The following CDKL1 variants were observed in gnomAD, a reference collection of about 807,000 sequenced individuals.
CDKL1 encodes the protein cyclin-dependent kinase-like 1.
Under a neutral mutation model 42.0 loss-of-function variants are expected in CDKL1, and 41 were observed. The ratio of observed to expected loss-of-function variants is 0.98; its 90% CI spans 0.76 to 1.27. The LOEUF (loss-of-function observed/expected upper bound fraction) is 1.27. Ranked by LOEUF, CDKL1 falls within the 50% of genes most tolerant of loss-of-function variation. The probability of loss-of-function intolerance (pLI) is 0.00; values close to 1 mark genes in which losing one functional copy is unlikely to be tolerated. For synonymous variants in CDKL1, 153 were observed against 158.6 expected, an observed-to-expected ratio of 0.96 and a Z score of 0.26; for missense variants, 394 against 428.4, an observed-to-expected ratio of 0.92 and a Z score of 0.71.
intron 2 of CDKL1, among the ~76,000 whole-genome samples, chr14:50,374,429 A>G (rs2034673173): frequency 6.6e-6 from 1 of 152,248 alleles, no homozygotes; most frequent in Non-Finnish European, 1.5e-5. Context: ...AGTGTTAAAA[A>G]ATCATGTAGG....
chr14:50,328,296 G>C lies in CDKL1; in HGVS notation c.*1778C>G, dbSNP rs760469130. On this transcript the variant is annotated 3_prime_UTR_variant, in exon 10 of 10. Coordinates refer to ENST00000395834, the MANE Select transcript of CDKL1 (RefSeq NM_004196.7). ...CATTTGAATCAAGGCCGTCTAACAG[G>C]AATTGAATAATTCAGGGACTAGCAT... The C allele has an allele frequency of 2.0e-5, 3 of 152,054 alleles. No homozygotes were observed. Among genetic ancestry groups the C allele is most frequent in the Non-Finnish European group, 4.4e-5 (3 of 68,008 alleles). The allele number at this position is 152,054 out of a possible 1,614,324, so 9.4% of individuals were successfully genotyped here.
rs2032833343 is a variant in CDKL1 at position 50,329,694 on chromosome 14, G to A, written c.*380C>T. On this transcript the variant is annotated 3_prime_UTR_variant, in exon 10 of 10. Coordinates refer to ENST00000395834, the MANE Select transcript of CDKL1 (RefSeq NM_004196.7). The stretch of plus-strand genomic sequence containing the variant: ...AGGACTCAGGCAACAGAGATCCGAG[G>A]AAATATATATGGGCATTTTGTGGTT... The A allele has an allele frequency of 5.9e-6, 1 of 170,586 alleles. No homozygotes were observed. Among genetic ancestry groups the A allele is most frequent in the Admixed American group, 6.0e-5 (1 of 16,594 alleles). 10.6% of individuals were successfully genotyped at this position (170,586 alleles called of 1,614,324 possible).
At chr14:50,383,657 G>A (rs1023847731) in intron 2 of CDKL1, among the ~76,000 whole-genome samples, 1 of 151,848 alleles carries the variant, frequency 6.6e-6, no homozygotes, top group African/African-American at 2.4e-5. Flanking sequence ...AAAAGCAATA[G>A]CATAAATTAT....
At chr14:50,393,779 G>C (rs961657313) in intron 2 of CDKL1, among the ~76,000 whole-genome samples, 2 of 152,210 alleles carry the variant, frequency 1.3e-5, no homozygotes, top group African/African-American at 4.8e-5. Context: ...ACTTAATTTG[G>C]AGAGTGGGGT....
intron 2 of CDKL1, 100 bp downstream of exon 2, chr14:50,395,601 A>T: frequency 1.3e-6 from 1 of 775,264 alleles, no homozygotes; most frequent in South Asian, 1.8e-5. Context: ...CAGGAGTTCC[A>T]GGCTGCTGTG....
intron 2 of CDKL1, among the ~76,000 whole-genome samples, chr14:50,391,447 A>G (rs1165101752): frequency 6.6e-6 from 1 of 152,142 alleles, no homozygotes; most frequent in Non-Finnish European, 1.5e-5. Context: ...CAGGGGCACG[A>G]TCTCAGTTCA....
chr14:50,332,373 T>C lies in CDKL1; in HGVS notation c.855A>G (p.Pro285=), dbSNP rs753603944. The change falls in exon 9 of 10, where the codon CCA becomes CCG. Residue 285 remains proline, a synonymous_variant. Coordinates refer to ENST00000395834, the MANE Select transcript of CDKL1 (RefSeq NM_004196.7). ...CTATTTCTCTGATGTTTTCAAAATA[T>C]GGGTGATGCAACAGCTGTTCACATG... The part of the protein sequence containing the change: ...RLTCEQLLHH[P]YFENIREIED... 7.4e-6 allele frequency: 12 copies of C among 1,614,120 alleles called. No individual in the cohort carries two copies. In the East Asian group the frequency reaches 1.8e-4, roughly 24 times the overall value.
chr14:50,382,600 T>C (rs543396611), intron 2 of CDKL1, among the ~76,000 whole-genome samples: 19 of 143,552 alleles, frequency 1.3e-4, no homozygotes, highest in South Asian at 1.0e-3. Flanking sequence ...CTCTCTCTCT[T>C]TTTTTTTATT....
At chr14:50,358,722 C>T (rs1325874024) in intron 3 of CDKL1, among the ~76,000 whole-genome samples, 1 of 138,812 alleles carries the variant, frequency 7.2e-6, no homozygotes, top group Non-Finnish European at 1.5e-5. Flanking sequence ...TCACTGCAAC[C>T]TCCGCCTCCC....
rs1356948111 is a variant in CDKL1 at position 50,329,003 on chromosome 14, C to T, written c.*1071G>A. On this transcript the variant is annotated 3_prime_UTR_variant, in exon 10 of 10. Transcript: ENST00000395834. The stretch of plus-strand genomic sequence containing the variant: ...AGCTATGAGTCCTCAATACTTTGGA[C>T]TACTTAGTGTAATATATTAGTTGTT... 6.8e-6 allele frequency: 1 copy of T among 146,180 alleles called. No individual in the cohort carries two copies. The highest frequency in any genetic ancestry group is 1.5e-5 in the Non-Finnish European group (1 of 67,098). 9.1% of individuals were successfully genotyped at this position (146,180 alleles called of 1,614,324 possible).
intron 2 of CDKL1, among the ~76,000 whole-genome samples, chr14:50,380,840 G>C (rs1165021474): frequency 2.2e-5 from 3 of 136,356 alleles, no homozygotes; most frequent in Non-Finnish European, 1.5e-5. Flanking sequence ...TGTCCTCAAG[G>C]CTGGAGTGCA....
chr14:50,373,627 GA>G (rs1260058388), intron 2 of CDKL1, among the ~76,000 whole-genome samples: 4 of 152,150 alleles, frequency 2.6e-5, no homozygotes, highest in African/African-American at 7.2e-5. Flanking sequence ...ATACCTCACT[GA>G]AGAAGATATA....
rs539747583 is a variant in CDKL1, at chr14:50,382,442, C to A, written c.168+13259G>T. Among the ~76,000 whole-genome samples, 27 of 152,080 alleles carry A rather than the reference C, an allele frequency of 1.8e-4. No individual in the cohort carries two copies. In the South Asian group the frequency reaches 5.4e-3, roughly 30 times the overall value. On this transcript the variant is annotated intron_variant, in intron 2 of 9. Transcript: ENST00000395834. Reference sequence around the variant, plus strand: ...CTCCAGCCTGGGCGACAGAGCAAGACTCCATCTCAAAAAAAAATTTTTTTT... The same window carrying A: ...CTCCAGCCTGGGCGACAGAGCAAGAATCCATCTCAAAAAAAAATTTTTTTT...
At chr14:50,332,536 A>G in intron 8 of CDKL1, 104 bp from the exon 9 acceptor site, 2 of 1,497,698 alleles carry the variant, frequency 1.3e-6, no homozygotes, top group Non-Finnish European at 1.8e-6. Flanking sequence ...TTGCAATAAG[A>G]AGGGGGAAAA....
intron 2 of CDKL1, chr14:50,390,455 TAGTA>T (rs762317586): frequency 1.6e-6 from 2 of 1,217,372 alleles, no homozygotes; most frequent in Non-Finnish European, 2.1e-6. Flanking sequence ...CTTGGGGCCT[TAGTA>T]ATACAATTAT....
intron 2 of CDKL1, among the ~76,000 whole-genome samples, chr14:50,373,181 C>T (rs558348665): frequency 6.6e-5 from 10 of 152,006 alleles, no homozygotes; most frequent in South Asian, 6.2e-4. Context: ...CTATAAACAA[C>T]GCCAAAAGAC....
At chr14:50,355,613 A>G (rs2034032337) in intron 3 of CDKL1, among the ~76,000 whole-genome samples, 1 of 152,236 alleles carries the variant, frequency 6.6e-6, no homozygotes, top group African/African-American at 2.4e-5. Context: ...ATATGCAGCT[A>G]GAAGACACTG....
At chr14:50,354,099 C>A (rs1454275900) in intron 3 of CDKL1, among the ~76,000 whole-genome samples, 11 of 151,764 alleles carry the variant, frequency 7.2e-5, no homozygotes, top group African/African-American at 2.4e-4. Context: ...GGATTACAGG[C>A]GCCCACCACA....
At chr14:50,341,360 A>T (rs1200409383) in intron 5 of CDKL1, 128 bp from the exon 6 acceptor site, 1 of 1,241,400 alleles carries the variant, frequency 8.1e-7, no homozygotes, top group Non-Finnish European at 1.0e-6. Flanking sequence ...TCTCAATTCT[A>T]GTTGCACATT....
Sources: gnomAD v4.1 joint callset for allele counts (sites outside exome capture counted in the v4.1 genomes callset) on GRCh38, gnomAD v4.1.1 for gene constraint, MANE v1.5 for transcripts, NCBI Gene and HGNC (gene_info 2026-07-23, HGNC 2026-07-21) for gene names.